Variants in COMMD10 observed in about 807,000 individuals in gnomAD.
The protein encoded by COMMD10 is COMM domain containing 10.
COMMD10 carries 33 observed loss-of-function variants against 28.9 expected under a neutral mutation model. The ratio of observed to expected loss-of-function variants is 1.14; its 90% CI spans 0.87 to 1.53. The LOEUF is 1.53. Ranked by LOEUF, COMMD10 falls within the 40% of genes most tolerant of loss-of-function variation. The pLI is 0.00. For synonymous variants in COMMD10, 110 were observed against 81.7 expected (o/e 1.35, Z -1.87); for missense variants, 310 against 233.4 (o/e 1.33, Z -2.14).
At chr5:116,191,140 T>C (rs1748356842) in intron 5 of COMMD10, among the ~76,000 whole-genome samples, 1 of 152,098 alleles carries the variant, frequency 6.6e-6, no homozygotes, top group Non-Finnish European at 1.5e-5. Context: ...AGAAAGGCCC[T>C]GGAGCTCGCT....
At chr5:116,292,035 A>C (rs1424855774) in intron 6 of COMMD10, among the ~76,000 whole-genome samples, 2 of 151,894 alleles carry the variant, frequency 1.3e-5, no homozygotes, top group African/African-American at 4.8e-5. Flanking sequence ...TCAAGTAGGC[A>C]GTTCTTCTGC....
chr5:116,119,734 C>T (rs1385852341), intron 4 of COMMD10, among the ~76,000 whole-genome samples: 2 of 151,990 alleles, frequency 1.3e-5, no homozygotes, highest in Non-Finnish European at 2.9e-5. Context: ...GCCTCAGCTT[C>T]CCAAGTAACT....
At chr5:116,092,132 A>G (rs1750318079) in intron 3 of COMMD10, among the ~76,000 whole-genome samples, 1 of 152,200 alleles carries the variant, frequency 6.6e-6, no homozygotes, top group South Asian at 2.1e-4. Context: ...ATTGGTAGAT[A>G]AGGTAATTTT....
intron 5 of COMMD10, among the ~76,000 whole-genome samples, chr5:116,229,493 A>G (rs1300518255): frequency 6.6e-6 from 1 of 152,044 alleles, no homozygotes; most frequent in African/African-American, 2.4e-5. Flanking sequence ...CTTCAGAGAA[A>G]AGAAGTGGCA....
At chr5:116,232,298 C>A (rs1749547212) in intron 5 of COMMD10, among the ~76,000 whole-genome samples, 1 of 150,726 alleles carries the variant, frequency 6.6e-6, no homozygotes, top group East Asian at 1.9e-4. Context: ...AGTGGGGGCC[C>A]AATAATGAGT....
chr5:116,158,086 CT>C (rs1267683582), intron 5 of COMMD10, among the ~76,000 whole-genome samples: 1 of 150,844 alleles, frequency 6.6e-6, no homozygotes, highest in Non-Finnish European at 1.5e-5. Flanking sequence ...TCTCCAAGGC[CT>C]TCAAGCAGAT....
intron 5 of COMMD10, among the ~76,000 whole-genome samples, chr5:116,239,260 A>G (rs1749754806): frequency 1.3e-5 from 2 of 152,198 alleles, no homozygotes. Context: ...GGCATTAGTA[A>G]CAAATACTTT....
intron 5 of COMMD10, among the ~76,000 whole-genome samples, chr5:116,202,026 A>C (rs957769971): frequency 7.0e-5 from 10 of 142,454 alleles, no homozygotes; most frequent in South Asian, 2.5e-4. Context: ...TCCTAATGCT[A>C]TCTCTCCCCC....
At chr5:116,266,559 C>G (rs1220077472) in intron 5 of COMMD10, among the ~76,000 whole-genome samples, 5 of 151,766 alleles carry the variant, frequency 3.3e-5, no homozygotes, top group African/African-American at 1.2e-4. Flanking sequence ...TTCTATTACA[C>G]TCTTTAATTT....
chr5:116,200,729 T>C (rs1412574179), intron 5 of COMMD10, among the ~76,000 whole-genome samples: 1 of 152,130 alleles, frequency 6.6e-6, no homozygotes, highest in Admixed American at 6.6e-5. Flanking sequence ...TCTGTTACAG[T>C]GGTTTTTTTG....
chr5:116,176,574 T>C (rs919636113), intron 5 of COMMD10, among the ~76,000 whole-genome samples: 1 of 152,198 alleles, frequency 6.6e-6, no homozygotes, highest in Non-Finnish European at 1.5e-5. Flanking sequence ...GTTATTTTCC[T>C]ATATGTTTTA....
At chr5:116,164,270 G>A (rs1388379948) in intron 5 of COMMD10, among the ~76,000 whole-genome samples, 2 of 151,884 alleles carry the variant, frequency 1.3e-5, no homozygotes, top group African/African-American at 4.8e-5. Context: ...GCAGTGAGCC[G>A]AGATTGGGCC....
intron 5 of COMMD10, among the ~76,000 whole-genome samples, chr5:116,166,139 AGT>A (rs1161717168): frequency 9.1e-6 from 1 of 109,810 alleles, no homozygotes; most frequent in African/African-American, 3.9e-5. Flanking sequence ...CATGGACTTG[AGT>A]CCATTTCTCT....
At chr5:116,102,199 T>C (rs1750688160) in intron 4 of COMMD10, among the ~76,000 whole-genome samples, 1 of 152,204 alleles carries the variant, frequency 6.6e-6, no homozygotes, top group African/African-American at 2.4e-5. Context: ...AGTATTCCAT[T>C]GAAGTCTCTT....
intron 5 of COMMD10, among the ~76,000 whole-genome samples, chr5:116,215,695 AATATATATATATAT>A (rs58135204): frequency 0.012 from 1,620 of 133,808 alleles, 31 homozygotes; most frequent in African/African-American, 0.036. Flanking sequence ...TAAAAAAAGA[AATATATATATATAT>A]ATATATATAT....
chr5:116,187,686 G>A (rs1191420509), intron 5 of COMMD10, among the ~76,000 whole-genome samples: 1 of 152,080 alleles, frequency 6.6e-6, no homozygotes, highest in Non-Finnish European at 1.5e-5. Flanking sequence ...CGGAAATTTG[G>A]AAATGAATAT....
intron 4 of COMMD10, among the ~76,000 whole-genome samples, chr5:116,125,112 A>G (rs1751580506): frequency 6.6e-6 from 1 of 151,992 alleles, no homozygotes; most frequent in Admixed American, 6.6e-5. Context: ...TTACCTGGTT[A>G]TTTTCCTCGT....
intron 5 of COMMD10, among the ~76,000 whole-genome samples, chr5:116,174,944 G>A (rs144525829): frequency 1.3e-5 from 2 of 152,084 alleles, no homozygotes; most frequent in Non-Finnish European, 2.9e-5. Context: ...TTAACTTTTC[G>A]TTTTTTTAAA....
At chr5:116,236,371 G>A (rs1359324594) in intron 5 of COMMD10, among the ~76,000 whole-genome samples, 1 of 151,898 alleles carries the variant, frequency 6.6e-6, no homozygotes, top group East Asian at 1.9e-4. Context: ...GGTCATGGTG[G>A]CAGGCACCTG....
Sources: allele counts gnomAD v4.1 joint callset (sites outside exome capture counted in the v4.1 genomes callset), GRCh38; gene constraint gnomAD v4.1.1; transcripts MANE v1.5; gene names NCBI Gene and HGNC (gene_info 2026-07-23, HGNC 2026-07-21).